BPTF: variants seen among roughly 807,000 people sequenced by gnomAD.
BPTF encodes nucleosome-remodeling factor subunit BPTF.
A neutral mutation model predicts 292.5 loss-of-function variants in BPTF; 18 were observed. The observed-to-expected ratio is 0.06, with a 90% CI of 0.04 to 0.09. The LOEUF (loss-of-function observed/expected upper bound fraction) is 0.09, where lower values mean the gene tolerates loss of function less well. Among genes scored for constraint, BPTF ranks in the 10% least tolerant of loss-of-function variants. The pLI, the probability that BPTF is intolerant of heterozygous loss-of-function variation, is 1.00. For missense variants in BPTF, 2,726 were observed against 3,498.7 expected, an observed-to-expected ratio of 0.78 and a Z score of 5.57; for synonymous variants, 1,225 against 1,251.9, an observed-to-expected ratio of 0.98 and a Z score of 0.45.
At chr17:67,829,965 G>A (rs1345487159) in intron 1 of BPTF, among the ~76,000 whole-genome samples, 2 of 152,174 alleles carry the variant, frequency 1.3e-5, no homozygotes, top group Non-Finnish European at 2.9e-5. Context: ...TGGAAAAAAT[G>A]TAAGGATGCC....
chr17:67,853,085 G>A (rs535737484), intron 1 of BPTF, among the ~76,000 whole-genome samples: 8 of 152,188 alleles, frequency 5.3e-5, no homozygotes, highest in Non-Finnish European at 8.8e-5. Context: ...GCAGTGAGCC[G>A]AGGTCACGCC....
chr17:67,857,302 A>G (rs1490590720), intron 2 of BPTF, among the ~76,000 whole-genome samples: 2 of 151,632 alleles, frequency 1.3e-5, no homozygotes, highest in African/African-American at 4.9e-5. Context: ...CTGGGACTAC[A>G]GGTGCCCGCC....
intron 1 of BPTF, among the ~76,000 whole-genome samples, chr17:67,843,366 C>T (rs184624926): frequency 5.9e-4 from 87 of 148,674 alleles, no homozygotes; most frequent in Admixed American, 3.9e-3. Flanking sequence ...GGTGTGATGT[C>T]GGCTCATTTT....
chr17:67,954,751 A>G (rs1426154490), intron 23 of BPTF, among the ~76,000 whole-genome samples: 1 of 152,214 alleles, frequency 6.6e-6, no homozygotes, highest in Non-Finnish European at 1.5e-5. Context: ...TGCCCACTAT[A>G]CAATCTTGGT....
At chr17:67,924,677 G>T (rs1236795132) in intron 15 of BPTF, 88 bp downstream of exon 15, 3 of 1,453,658 alleles carry the variant, frequency 2.1e-6, no homozygotes, top group Non-Finnish European at 2.8e-6. Context: ...TCAGCAGGGG[G>T]AGTTGGTGCT....
rs1184488351 is a variant in BPTF, at chr17:67,911,298, G to A, written c.3414G>A (p.Gln1138=). The A allele has an allele frequency of 6.2e-7, 1 of 1,614,088 alleles. No homozygotes were observed. Among genetic ancestry groups the A allele is most frequent in the Admixed American group, 1.7e-5 (1 of 60,020 alleles). The change falls in exon 11 of 28, where the codon CAG becomes CAA. Residue 1138 remains glutamine (Q), a synonymous_variant. Transcript: ENST00000306378. ...ATGATCAACCTGAGGACTTGATTCA[G>A]GGATGTTCAGAAAGTGATTCCTCAG... ...ANNDQPEDLI[Q]GCSESDSSVL...
chr17:67,898,483 A>AT (rs1199595790), intron 7 of BPTF, among the ~76,000 whole-genome samples: 7 of 151,852 alleles, frequency 4.6e-5, no homozygotes, highest in African/African-American at 1.7e-4. Flanking sequence ...TACATTTTTA[A>AT]TTTTTTCGTA....
intron 4 of BPTF, chr17:67,875,767 G>A (rs763193584): frequency 4.0e-6 from 6 of 1,504,468 alleles, no homozygotes; most frequent in African/African-American, 2.8e-5. Flanking sequence ...GCGTATCAAT[G>A]CCTCTGTAAT....
chr17:67,861,554 G>T lies in BPTF; in HGVS notation c.1437-4910G>T, dbSNP rs183091451. Among the ~76,000 whole-genome samples, 138 of 152,182 alleles carry T rather than the reference G, an allele frequency of 9.1e-4. 4 individuals are homozygous for T. The highest frequency in any genetic ancestry group is 1.9e-4 in the East Asian group (1 of 5,174). ...TGATATTGAACTCCTGACCTCAGGTGATCAGCCCACCTCAGCCTCCAAATG... is the reference window on the plus strand; with the variant it reads ...TGATATTGAACTCCTGACCTCAGGTTATCAGCCCACCTCAGCCTCCAAATG... On this transcript the variant is annotated intron_variant, in intron 2 of 27. Coordinates refer to ENST00000306378, the MANE Select transcript of BPTF (RefSeq NM_182641.4).
intron 2 of BPTF, among the ~76,000 whole-genome samples, chr17:67,864,950 G>T (rs576414238): frequency 6.6e-6 from 1 of 152,020 alleles, no homozygotes; most frequent in Non-Finnish European, 1.5e-5. Flanking sequence ...GACGACAGGC[G>T]CCTGCCACCA....
intron 2 of BPTF, among the ~76,000 whole-genome samples, chr17:67,862,253 G>A (rs2059130163): frequency 6.6e-6 from 1 of 152,232 alleles, no homozygotes; most frequent in Non-Finnish European, 1.5e-5. Context: ...TGGGATTACA[G>A]GCGTGAGCCA....
chr17:67,920,772 A>G (rs893440542), intron 13 of BPTF, among the ~76,000 whole-genome samples: 5 of 152,220 alleles, frequency 3.3e-5, no homozygotes, highest in African/African-American at 1.2e-4. Context: ...ATAGATAATT[A>G]TGAATGTCTA....
At chr17:67,924,778 A>AT (rs1218593566) in intron 15 of BPTF, among the ~76,000 whole-genome samples, 189 bp downstream of exon 15, 1 of 151,828 alleles carries the variant, frequency 6.6e-6, no homozygotes. Context: ...TTTGGTGTTT[A>AT]TTTTTTTGAG....
intron 2 of BPTF, among the ~76,000 whole-genome samples, chr17:67,855,278 G>A (rs942972109): frequency 6.6e-6 from 1 of 152,140 alleles, no homozygotes; most frequent in Non-Finnish European, 1.5e-5. Flanking sequence ...TCCAGCCTGG[G>A]TGACAGAGAC....
intron 9 of BPTF, among the ~76,000 whole-genome samples, chr17:67,908,754 G>A (rs1402144677): frequency 1.3e-5 from 2 of 150,876 alleles, no homozygotes; most frequent in African/African-American, 4.9e-5. Flanking sequence ...GCATCCCAAA[G>A]TGCTGGGATT....
At chr17:67,919,086 G>A (rs2063246908) in intron 12 of BPTF, among the ~76,000 whole-genome samples, 2 of 151,192 alleles carry the variant, frequency 1.3e-5, no homozygotes, top group South Asian at 4.2e-4. Context: ...GCAGGAGAAT[G>A]GCGTGAACCT....
At chr17:67,847,937 CA>C (rs1262850294) in intron 1 of BPTF, among the ~76,000 whole-genome samples, 2 of 152,138 alleles carry the variant, frequency 1.3e-5, no homozygotes, top group Non-Finnish European at 2.9e-5. Flanking sequence ...ATGTGCCATT[CA>C]TGGTTTATAT....
intron 23 of BPTF, among the ~76,000 whole-genome samples, chr17:67,952,306 T>G (rs1192873366): frequency 6.7e-6 from 1 of 149,310 alleles, no homozygotes; most frequent in Non-Finnish European, 1.5e-5. Context: ...GCTCTGTTGT[T>G]CAGGCTGGAG....
At chr17:67,861,581 G>T (rs2059088329) in intron 2 of BPTF, among the ~76,000 whole-genome samples, 1 of 152,132 alleles carries the variant, frequency 6.6e-6, no homozygotes, top group South Asian at 2.1e-4. Flanking sequence ...CTCCAAATGT[G>T]CTGGGATTAC....
Sources: gnomAD v4.1 joint callset for allele counts (sites outside exome capture counted in the v4.1 genomes callset) on GRCh38, gnomAD v4.1.1 for gene constraint, MANE v1.5 for transcripts, NCBI Gene and HGNC (gene_info 2026-07-23, HGNC 2026-07-21) for gene names.